Variants in FAM20B observed in about 807,000 individuals in gnomAD.
FAM20B encodes FAM20B glycosaminoglycan xylosylkinase.
In FAM20B, 23 loss-of-function variants were observed where a neutral mutation model predicts 43.8. The ratio of observed to expected loss-of-function variants is 0.53; its 90% CI spans 0.38 to 0.74. The LOEUF (loss-of-function observed/expected upper bound fraction) is 0.74, where lower values mean the gene tolerates loss of function less well. FAM20B is among the 30% of genes least tolerant of loss of function. FAM20B has a pLI of 0.00. For missense variants in FAM20B, 440 were observed against 510.5 expected (o/e 0.86, Z 1.33); for synonymous variants, 178 against 192.4 (o/e 0.93, Z 0.62).
At chr1:179,048,986 C>A (rs900943671) in intron 2 of FAM20B, among the ~76,000 whole-genome samples, 8 of 152,194 alleles carry the variant, frequency 5.3e-5, no homozygotes, top group Non-Finnish European at 1.2e-4. Flanking sequence ...CTCCACATCA[C>A]TCTCAATTTA....
Position 179,044,067 on chromosome 1 carries a change from C to T in FAM20B, c.220C>T (p.Arg74Trp), listed in dbSNP as rs1338875065. 4.3e-6 allele frequency: 7 copies of T among 1,614,080 alleles called. No individual in the cohort carries two copies. Among genetic ancestry groups the T allele is most frequent in the Non-Finnish European group, 5.1e-6 (6 of 1,180,036 alleles). Residue 74 changes from arginine to tryptophan, a missense_variant, in exon 2 of 8, where the codon CGG becomes TGG. Physicochemically the swap from Arg to Trp is moderately radical, Grantham distance 101. Coordinates refer to ENST00000263733, the MANE Select transcript of FAM20B (RefSeq NM_014864.4). ...GATTGCAGCCCAGTGGGTGGTTCCCCGGGAAGTGTACCCTGAAGAGACACC... is the reference window on the plus strand; with the variant it reads ...GATTGCAGCCCAGTGGGTGGTTCCCTGGGAAGTGTACCCTGAAGAGACACC... ...WEIAAQWVVP[R>W]EVYPEETPEL... is the part of the protein sequence containing the mutation.
intron 7 of FAM20B, 27 bp downstream of exon 7, chr1:179,066,886 G>T: frequency 1.3e-6 from 2 of 1,496,568 alleles, no homozygotes. Flanking sequence ...AAATACATGT[G>T]CCTGCATTGC....
chr1:179,062,263 T>C (rs926349354), intron 4 of FAM20B, among the ~76,000 whole-genome samples: 106 of 152,172 alleles, frequency 7.0e-4, no homozygotes, highest in African/African-American at 2.5e-3. Context: ...GTTTCCATGT[T>C]CTCTTGAAGG....
At chr1:179,067,325 C>T (rs964216418) in intron 7 of FAM20B, among the ~76,000 whole-genome samples, 3 of 152,180 alleles carry the variant, frequency 2.0e-5, no homozygotes, top group African/African-American at 7.2e-5. Flanking sequence ...TTTATTTTGG[C>T]CAGGCACAGT....
At chr1:179,046,128 G>A (rs1259513836) in intron 2 of FAM20B, among the ~76,000 whole-genome samples, 1 of 152,156 alleles carries the variant, frequency 6.6e-6, no homozygotes, top group Non-Finnish European at 1.5e-5. Flanking sequence ...ATCAATCAGT[G>A]GTACAGAAGT....
At chr1:179,018,371 A>G in the FAM20B span, among the ~76,000 whole-genome samples, 11 of 152,184 alleles carry the variant, frequency 7.2e-5, no homozygotes, top group Admixed American at 5.2e-4. Context: ...CAATGGTACA[A>G]TCTCAGCTCA....
chr1:179,056,590 T>C (rs1651229326), intron 4 of FAM20B, among the ~76,000 whole-genome samples: 1 of 152,240 alleles, frequency 6.6e-6, no homozygotes, highest in Non-Finnish European at 1.5e-5. Flanking sequence ...TGAATAAAGC[T>C]GCCATAAACA....
chr1:179,017,781 A>G, the FAM20B span, among the ~76,000 whole-genome samples: 3 of 152,224 alleles, frequency 2.0e-5, no homozygotes. Flanking sequence ...TGCTACAAGA[A>G]TGATCACAGA....
chr1:179,046,278 T>C (rs142000550), intron 2 of FAM20B, among the ~76,000 whole-genome samples: 2 of 152,344 alleles, frequency 1.3e-5, no homozygotes, highest in East Asian at 3.9e-4. Flanking sequence ...AGTTTGGTCT[T>C]TGACTTCTTG....
At chr1:179,026,475 G>C (rs927865219) in intron 1 of FAM20B, among the ~76,000 whole-genome samples, 2 of 152,122 alleles carry the variant, frequency 1.3e-5, no homozygotes, top group African/African-American at 4.8e-5. Flanking sequence ...CCCCTTGCGC[G>C]GTCCCCAGAG....
At chr1:179,027,214 C>T (rs1649825073) in intron 1 of FAM20B, among the ~76,000 whole-genome samples, 1 of 152,128 alleles carries the variant, frequency 6.6e-6, no homozygotes, top group Admixed American at 6.5e-5. Flanking sequence ...ATTACTATTG[C>T]CATTTATTAG....
chr1:179,024,656 T>G (rs1016119414), upstream of FAM20B, among the ~76,000 whole-genome samples: 2 of 152,242 alleles, frequency 1.3e-5, no homozygotes, highest in Non-Finnish European at 2.9e-5. Context: ...GTACGTCTCC[T>G]GCAGTGATTA....
chr1:179,035,086 G>A (rs1650165421), intron 1 of FAM20B, among the ~76,000 whole-genome samples: 1 of 152,182 alleles, frequency 6.6e-6, no homozygotes, highest in Admixed American at 6.5e-5. Context: ...TTGGTGGCTT[G>A]TAGGACCCTC....
chr1:179,025,488 A>T (rs1649715980), upstream of FAM20B, among the ~76,000 whole-genome samples: 1 of 152,062 alleles, frequency 6.6e-6, no homozygotes, highest in Non-Finnish European at 1.5e-5. Flanking sequence ...AGGAGGGAAA[A>T]TGCTTCTCAC....
At chr1:179,041,671 G>GGAGGGAGAGGGA (rs71108086) in intron 1 of FAM20B, among the ~76,000 whole-genome samples, 7 of 141,252 alleles carry the variant, frequency 5.0e-5, no homozygotes, top group South Asian at 4.6e-4. Context: ...TGGGAGACAG[G>GGAGGGAGAGGGA]GAGGGAGAGG....
chr1:179,040,979 G>A (rs978301971), intron 1 of FAM20B, among the ~76,000 whole-genome samples: 2 of 149,554 alleles, frequency 1.3e-5, no homozygotes, highest in African/African-American at 2.5e-5. Flanking sequence ...CCCAGACGGG[G>A]CCGGCGGGCA....
intron 2 of FAM20B, among the ~76,000 whole-genome samples, chr1:179,046,983 G>A (rs1382967566): frequency 6.6e-6 from 1 of 151,960 alleles, no homozygotes; most frequent in African/African-American, 2.4e-5. Flanking sequence ...CAACAGGAGC[G>A]AAACTCCGTC....
chr1:179,057,325 G>A (rs548795586), intron 4 of FAM20B, among the ~76,000 whole-genome samples: 3 of 152,148 alleles, frequency 2.0e-5, no homozygotes, highest in Non-Finnish European at 2.9e-5. Flanking sequence ...CAGCCTGGTC[G>A]ACAGAGTGAG....
At position 179,063,992 on chromosome 1, in the gene FAM20B, G is replaced by A; in HGVS notation, c.640G>A (p.Gly214Arg). 1 of 1,613,890 alleles carries A rather than the reference G, an allele frequency of 6.2e-7. No homozygotes were observed. The part of the protein sequence containing the change: ...CRETEPACAD[G>R]DIMEGSVTLW... ...AGAAACAGAACCAGCTTGTGCTGAT[G>A]GAGACATAATGGAGGGATCTGTCAC... The change falls in exon 5 of 8, where the codon GGA becomes AGA. Residue 214 changes from glycine (G) to arginine (R), a missense_variant. Transcript: ENST00000263733.
Sources: gnomAD v4.1 joint callset for allele counts (sites outside exome capture counted in the v4.1 genomes callset) on GRCh38, gnomAD v4.1.1 for gene constraint, MANE v1.5 for transcripts, NCBI Gene and HGNC (gene_info 2026-07-23, HGNC 2026-07-21) for gene names.